The following JAKMIP3 variants were observed in gnomAD, a reference collection of about 807,000 sequenced individuals.
JAKMIP3 encodes janus kinase and microtubule-interacting protein 3.
In JAKMIP3, 58 loss-of-function variants were observed where a neutral mutation model predicts 118.5. The ratio of observed to expected loss-of-function variants is 0.49; its 90% CI spans 0.40 to 0.61. The LOEUF (loss-of-function observed/expected upper bound fraction) is 0.61, where lower values mean the gene tolerates loss of function less well. Ranked by LOEUF, JAKMIP3 falls within the 20% of genes least tolerant of loss-of-function variation. The pLI, the probability that JAKMIP3 is intolerant of heterozygous loss-of-function variation, is 0.00. For missense variants in JAKMIP3, 950 were observed against 1,109.0 expected (o/e 0.86, Z 2.04); for synonymous variants, 486 against 451.2 (o/e 1.08, Z -0.98).
rs935356299 is a variant in JAKMIP3, at chr10:132,139,794, T to C, written c.1345-657T>C. Among the ~76,000 whole-genome samples the C allele has an allele frequency of 5.3e-5, 8 of 152,184 alleles. 1 individual carries two copies. The East Asian group carries it at 1.5e-3, about 29-fold the overall frequency. ...CCTGGGGTCCCTGAGGGAGTTTTGC[T>C]GGAAGGTTCTGGCAGAAGAACTGGG... On this transcript the variant is annotated intron_variant, in intron 9 of 23. Coordinates refer to ENST00000684848, the MANE Select transcript of JAKMIP3 (RefSeq NM_001323087.2).
At chr10:132,176,574 C>T (rs56332520) in intron 23 of JAKMIP3, among the ~76,000 whole-genome samples, 17,069 of 152,202 alleles carry the variant, frequency 0.11, 1,274 homozygotes, top group Non-Finnish European at 0.15. Flanking sequence ...GTAGCAGACA[C>T]GTTTCCACAA....
At chr10:132,076,330 C>T (rs760906197) in intron 1 of JAKMIP3, among the ~76,000 whole-genome samples, 2 of 152,254 alleles carry the variant, frequency 1.3e-5, no homozygotes, top group Non-Finnish European at 2.9e-5. Context: ...TTGTCATATG[C>T]GTTAGGATTT....
chr10:132,059,129 G>A (rs557487080), intron 1 of JAKMIP3, among the ~76,000 whole-genome samples: 14 of 152,342 alleles, frequency 9.2e-5, no homozygotes, highest in East Asian at 3.9e-4. Context: ...CAGCTGCCAC[G>A]TCCCTAAAAG....
At chr10:132,076,406 C>T (rs1017633435) in intron 1 of JAKMIP3, among the ~76,000 whole-genome samples, 5 of 152,270 alleles carry the variant, frequency 3.3e-5, no homozygotes, top group Admixed American at 6.5e-5. Flanking sequence ...TATCTGTTCA[C>T]GAGTTGACTG....
intron 1 of JAKMIP3, among the ~76,000 whole-genome samples, chr10:132,090,140 T>C (rs1032048628): frequency 2.6e-5 from 4 of 152,232 alleles, no homozygotes; most frequent in Admixed American, 6.5e-5. Flanking sequence ...TTTGCATCAA[T>C]GTTCGTCAGG....
chr10:132,182,434 G>C lies in JAKMIP3; in HGVS notation c.*1181G>C, dbSNP rs757635147. 1.1e-4 allele frequency: 16 copies of C among 152,240 alleles called. No individual in the cohort carries two copies. The highest frequency in any genetic ancestry group is 2.1e-4 in the Non-Finnish European group (14 of 68,044). The allele number at this position is 152,240 out of a possible 1,614,324, so 9.4% of individuals were successfully genotyped here. A position where few individuals can be genotyped will look rare whatever the true frequency, so the allele number is the denominator to read the frequency against. On this transcript the variant is annotated 3_prime_UTR_variant, in exon 24 of 24. Coordinates refer to ENST00000684848, the MANE Select transcript of JAKMIP3 (RefSeq NM_001323087.2). ...CTGGGAGACCCGGGACGCAGCCCGG[G>C]AGCTTCGTCCAGCCTGTGGATGGAG...
chr10:132,124,162 G>C (rs1183003712), intron 3 of JAKMIP3, among the ~76,000 whole-genome samples: 1 of 152,206 alleles, frequency 6.6e-6, no homozygotes, highest in Non-Finnish European at 1.5e-5. Context: ...ACCCAGCACT[G>C]GGGTGGGGGC....
intron 1 of JAKMIP3, among the ~76,000 whole-genome samples, chr10:132,055,781 G>A (rs1002252187): frequency 1.3e-5 from 2 of 152,164 alleles, no homozygotes; most frequent in Non-Finnish European, 2.9e-5. Flanking sequence ...TGCCTCCCCC[G>A]GGGTTTGTGT....
Position 132,136,260 on chromosome 10 carries a change from G to T in JAKMIP3, c.1116+184G>T, listed in dbSNP as rs572853049. On this transcript the variant is annotated intron_variant, in intron 6 of 23. Transcript: ENST00000684848. ...CCGCCAAGCCCAGCCCTGGGGAGGGGGACCCTTGGAGGAGGCCCTGACCTT... is the reference window on the plus strand; with the variant it reads ...CCGCCAAGCCCAGCCCTGGGGAGGGTGACCCTTGGAGGAGGCCCTGACCTT... 1.9e-3 allele frequency among the ~76,000 whole-genome samples: 282 copies of T among 152,358 alleles called. 2 individuals are homozygous for T. Among genetic ancestry groups the T allele is most frequent in the African/African-American group, 6.4e-3 (265 of 41,590 alleles).
chr10:132,083,636 G>C lies in JAKMIP3; in HGVS notation c.-138+17575G>C, dbSNP rs1001037818. On this transcript the variant is annotated intron_variant, in intron 1 of 23. Coordinates refer to ENST00000684848, the MANE Select transcript of JAKMIP3 (RefSeq NM_001323087.2). Reference sequence around the variant, plus strand: ...CAACGTCTAGAAGAGTTTTTCTGATGTTATCTTCTAGAATTTTTATAGTTT... The same window carrying C: ...CAACGTCTAGAAGAGTTTTTCTGATCTTATCTTCTAGAATTTTTATAGTTT... 2.6e-5 allele frequency among the ~76,000 whole-genome samples: 4 copies of C among 152,128 alleles called. No individual in the cohort carries two copies. In the South Asian group the frequency reaches 8.3e-4, roughly 32 times the overall value.
chr10:132,137,075 T>G lies in JAKMIP3; in HGVS notation c.1173T>G (p.Ser391Arg). Residue 391 changes from serine to arginine, a missense_variant, in exon 7 of 24, where the codon AGT (serine) becomes AGG (arginine). Physicochemically the swap from Ser to Arg is moderately radical, Grantham distance 110. Transcript: ENST00000684848. ...RPSSLNDLDQ[S>R]QDEREVDFLK... ...GTTCCTTGAATGACCTTGATCAAAG[T>G]CAGGATGAGAGAGAAGTCGATTTCT... The G allele has an allele frequency of 6.2e-7, 1 of 1,613,820 alleles. No homozygotes were observed. The highest frequency in any genetic ancestry group is 8.5e-7 in the Non-Finnish European group (1 of 1,179,840).
rs2059144391 is a variant in JAKMIP3, at chr10:132,168,194, G to C, written c.*264G>C. 3.9e-6 allele frequency: 5 copies of C among 1,288,856 alleles called. No individual in the cohort carries two copies. Among genetic ancestry groups the C allele is most frequent in the Non-Finnish European group, 5.1e-6 (5 of 988,518 alleles). 79.8% of individuals were successfully genotyped at this position (1,288,856 alleles called of 1,614,324 possible). Reference sequence around the variant, plus strand: ...CTCCGGGACGGGCCTGGCCTTGGCTGCTGGACCCTGGGTCCCTTCTCCCGG... The same window carrying C: ...CTCCGGGACGGGCCTGGCCTTGGCTCCTGGACCCTGGGTCCCTTCTCCCGG... On this transcript the variant is annotated 3_prime_UTR_variant, in exon 23 of 24. Coordinates refer to ENST00000684848, the MANE Select transcript of JAKMIP3 (RefSeq NM_001323087.2).
At chr10:132,069,568 G>A (rs2039487330) in intron 1 of JAKMIP3, among the ~76,000 whole-genome samples, 1 of 151,940 alleles carries the variant, frequency 6.6e-6, no homozygotes. Flanking sequence ...TCACATGTAG[G>A]TCTGGCATCC....
upstream of JAKMIP3, among the ~76,000 whole-genome samples, chr10:132,060,590 T>A (rs945399083): frequency 1.1e-4 from 16 of 152,232 alleles, no homozygotes; most frequent in Non-Finnish European, 1.9e-4. Context: ...CGCATGAATT[T>A]GCCTCTCCTG....
At chr10:132,079,143 C>G (rs2041363904) in intron 1 of JAKMIP3, among the ~76,000 whole-genome samples, 1 of 116,910 alleles carries the variant, frequency 8.6e-6, no homozygotes, top group South Asian at 2.7e-4. Flanking sequence ...GGCACCTGGC[C>G]TGGGAGCGGA....
chr10:132,180,768 T>TGTGCGCGTGTGCGCGTGTGTGCGC (rs1554963475), intron 23 of JAKMIP3, among the ~76,000 whole-genome samples: 1 of 32,494 alleles, frequency 3.1e-5, no homozygotes, highest in Non-Finnish European at 5.9e-5. Flanking sequence ...TGCGTGTGTG[T>TGTGCGCGTGTGCGCGTGTGTGCGC]GCGTGTGTGT....
intron 1 of JAKMIP3, among the ~76,000 whole-genome samples, chr10:132,058,672 A>C (rs886610343): frequency 3.9e-5 from 6 of 152,208 alleles, no homozygotes; most frequent in Non-Finnish European, 7.3e-5. Context: ...CAAAAAAGTC[A>C]GTTACCCAAA....
At chr10:132,079,285 C>T (rs143340486) in intron 1 of JAKMIP3, among the ~76,000 whole-genome samples, 1 of 152,334 alleles carries the variant, frequency 6.6e-6, no homozygotes, top group African/African-American at 2.4e-5. Context: ...GGTCCATTTG[C>T]TGCCTCTTGC....
chr10:132,104,891 T>C lies in JAKMIP3; in HGVS notation c.83T>C (p.Leu28Pro). Residue 28 changes from leucine to proline, a missense_variant, in exon 2 of 24, where the codon CTT becomes CCT. Coordinates refer to ENST00000684848, the MANE Select transcript of JAKMIP3 (RefSeq NM_001323087.2). ...GCGCTGCAGGCGGCCAACGAGGATC[T>C]TCGAGCCAAGCTCACAGACATCCAG... Reference protein sequence around the residue: ...LAALQAANEDLRAKLTDIQIE... With the variant: ...LAALQAANEDPRAKLTDIQIE... 1.3e-6 allele frequency: 2 copies of C among 1,580,938 alleles called. No individual in the cohort carries two copies. The highest frequency in any genetic ancestry group is 1.7e-6 in the Non-Finnish European group (2 of 1,164,110).
Sources: gnomAD v4.1 joint callset for allele counts (sites outside exome capture counted in the v4.1 genomes callset) on GRCh38, gnomAD v4.1.1 for gene constraint, MANE v1.5 for transcripts, NCBI Gene and HGNC (gene_info 2026-07-23, HGNC 2026-07-21) for gene names.